The following MCTP2 variants were observed in gnomAD, a reference collection of about 807,000 sequenced individuals.
MCTP2 encodes the protein multiple C2 and transmembrane domain-containing protein 2.
Under a neutral mutation model 111.6 loss-of-function variants are expected in MCTP2, and 132 were observed. The ratio of observed to expected loss-of-function variants is 1.18; its 90% CI spans 1.03 to 1.37. The LOEUF is 1.37. MCTP2 is among the 40% of genes most tolerant of loss of function. The pLI, the probability that MCTP2 is intolerant of heterozygous loss-of-function variation, is 0.00. For synonymous variants in MCTP2, 395 were observed against 387.7 expected (o/e 1.02, Z -0.22); for missense variants, 1,183 against 1,067.9 (o/e 1.11, Z -1.50).
In MCTP2 at chr15:94,476,299, G is replaced by A. The variant is rs72751356; in HGVS notation, c.2471-397G>A. On this transcript the variant is annotated intron_variant, in intron 21 of 22. Coordinates refer to ENST00000357742, the MANE Select transcript of MCTP2 (RefSeq NM_001385001.1). ...GGACATTTGTTTTCATAGCAGAGGC[G>A]GCTGTTAATCAGCGTATTCCAAAAA... is the stretch of plus-strand genomic sequence containing the variant. 6.7e-4 allele frequency: 105 copies of A among 157,048 alleles called. 1 individual carries two copies. Among genetic ancestry groups the A allele is most frequent in the Non-Finnish European group, 1.3e-3 (92 of 71,302 alleles). 9.7% of individuals were successfully genotyped at this position (157,048 alleles called of 1,614,324 possible).
intron 7 of MCTP2, 143 bp from the exon 8 acceptor site, chr15:94,344,985 CT>C (rs1479170552): frequency 1.0e-5 from 9 of 892,208 alleles, no homozygotes; most frequent in African/African-American, 3.5e-5. Flanking sequence ...CTCAAATATG[CT>C]TTCTCTATAA....
chr15:94,402,137 G>A lies in MCTP2; in HGVS notation c.2085+118G>A, dbSNP rs114795508. 672 of 1,381,380 alleles carry A rather than the reference G, an allele frequency of 4.9e-4. 4 individuals are homozygous for A. In the African/African-American group the frequency reaches 8.9e-3, roughly 18 times the overall value. The allele number at this position is 1,381,380 out of a possible 1,614,324, so 85.6% of individuals were successfully genotyped here. On this transcript the variant is annotated intron_variant, in intron 17 of 22. Coordinates refer to ENST00000357742, the MANE Select transcript of MCTP2 (RefSeq NM_001385001.1). ...GGTTGTCTTTCTAAGACAGTACTTA[G>A]GTCAAATTTACCTGGGAAACCCCTT...
At chr15:94,322,301 A>AT (rs200050113) in intron 4 of MCTP2, among the ~76,000 whole-genome samples, 70,784 of 148,306 alleles carry the variant, frequency 0.48, 18,493 homozygotes, top group East Asian at 0.62. Context: ...CTGTTTTTGA[A>AT]TTTTTTTTTT....
At chr15:94,271,776 A>C (rs16948855) in intron 1 of MCTP2, among the ~76,000 whole-genome samples, 12,534 of 152,260 alleles carry the variant, frequency 0.082, 1,232 homozygotes, top group African/African-American at 0.24. Context: ...GCTTAAAAAT[A>C]TGCACCATTT....
At chr15:94,457,795 CAG>C (rs1341548986) in intron 19 of MCTP2, among the ~76,000 whole-genome samples, 2 of 152,110 alleles carry the variant, frequency 1.3e-5, no homozygotes, top group African/African-American at 4.8e-5. Context: ...CCTGTGGAGA[CAG>C]AGGAAGTCAG....
At chr15:94,477,191 A>T (rs1191697537) in intron 22 of MCTP2, among the ~76,000 whole-genome samples, 1 of 152,100 alleles carries the variant, frequency 6.6e-6, no homozygotes, top group Non-Finnish European at 1.5e-5. Flanking sequence ...AGGGGACAAA[A>T]GGATTATTCT....
In MCTP2 at chr15:94,325,701, C is replaced by T. The variant is rs563874518; in HGVS notation, c.637+10064C>T. Among the ~76,000 whole-genome samples, 6 of 152,104 alleles carry T rather than the reference C, an allele frequency of 3.9e-5. No individual in the cohort carries two copies. In the East Asian group the frequency reaches 1.2e-3, roughly 29 times the overall value. On this transcript the variant is annotated intron_variant, in intron 4 of 22. Transcript: ENST00000357742. ...GTCGTGGATTGAGGTTTAATTTTCC[C>T]CATCATAAATTTGACCTAGAAAATG...
chr15:94,430,450 G>A (rs2152501005), intron 17 of MCTP2, among the ~76,000 whole-genome samples: 1 of 145,892 alleles, frequency 6.9e-6, no homozygotes, highest in African/African-American at 2.6e-5. Context: ...CACACTGGAA[G>A]GCTGGGCATG....
chr15:94,290,511 ACAAG>A (rs1341277185), intron 1 of MCTP2, among the ~76,000 whole-genome samples: 2 of 152,214 alleles, frequency 1.3e-5, no homozygotes, highest in Non-Finnish European at 2.9e-5. Flanking sequence ...GAAAAACAGA[ACAAG>A]AAGGAAATGA....
At chr15:94,349,136 T>C (rs1469976846) in intron 8 of MCTP2, among the ~76,000 whole-genome samples, 2 of 152,220 alleles carry the variant, frequency 1.3e-5, no homozygotes, top group Non-Finnish European at 2.9e-5. Flanking sequence ...ATGCTTCTGA[T>C]GCCTTATTAT....
chr15:94,312,607 C>T (rs2076196510), intron 2 of MCTP2, among the ~76,000 whole-genome samples: 1 of 152,228 alleles, frequency 6.6e-6, no homozygotes. Flanking sequence ...CTGAACTGAA[C>T]ACAGTGTATT....
chr15:94,387,428 A>G (rs1396114519), intron 14 of MCTP2, among the ~76,000 whole-genome samples: 2 of 152,112 alleles, frequency 1.3e-5, no homozygotes, highest in Non-Finnish European at 2.9e-5. Context: ...CCAGTCAAGA[A>G]CCGCTGACCT....
At chr15:94,299,146 G>T (rs991968595) in intron 2 of MCTP2, among the ~76,000 whole-genome samples, 1 of 148,050 alleles carries the variant, frequency 6.8e-6, no homozygotes, top group African/African-American at 2.5e-5. Flanking sequence ...ATGCAGTATT[G>T]ATTGCACCCA....
chr15:94,322,593 A>G (rs1372017469), intron 4 of MCTP2, among the ~76,000 whole-genome samples: 2 of 152,318 alleles, frequency 1.3e-5, no homozygotes, highest in Non-Finnish European at 2.9e-5. Flanking sequence ...AAGTTTGTTG[A>G]CCTCTGCCTA....
rs902355921 is a variant in MCTP2, at chr15:94,273,566, A to C, written c.-65-24635A>C. ...AAACGTCACTTCAATGCCCCCTCGC[A>C]GGTATGCAGGAAGGTCATGTCGTCC... On this transcript the variant is annotated intron_variant, in intron 1 of 22. Transcript: ENST00000357742. 6 of 200,866 alleles carry C rather than the reference A, an allele frequency of 3.0e-5. No individual in the cohort carries two copies. In the East Asian group the frequency reaches 7.1e-4, roughly 24 times the overall value. 12.4% of individuals were successfully genotyped at this position (200,866 alleles called of 1,614,324 possible). A position where few individuals can be genotyped will look rare whatever the true frequency, so the allele number is the denominator to read the frequency against.
chr15:94,378,560 C>A (rs1001336234), intron 12 of MCTP2, among the ~76,000 whole-genome samples: 1 of 152,150 alleles, frequency 6.6e-6, no homozygotes. Context: ...AGGAAACTTT[C>A]TTATGTCACT....
At chr15:94,248,052 A>G (rs1248972297) in intron 1 of MCTP2, among the ~76,000 whole-genome samples, 1 of 152,188 alleles carries the variant, frequency 6.6e-6, no homozygotes, top group Non-Finnish European at 1.5e-5. Context: ...CCTTAGGGCC[A>G]TCAAGAATGT....
Position 94,470,364 on chromosome 15 carries a change from T to C in MCTP2, c.2392T>C (p.Ser798Pro), listed in dbSNP as rs905009940. ...TAACTGGACGGTCCCCTTCCTTTCA[T>C]CTCTGGCCTGTTTGATTCTGGCAGC... is the stretch of plus-strand genomic sequence containing the variant. ...TFNWTVPFLS[S>P]LACLILAAAT... Residue 798 changes from serine to proline, a missense_variant, in exon 21 of 23, where the codon TCT becomes CCT. Physicochemically the swap from Ser to Pro is moderately conservative, Grantham distance 74 (BLOSUM62 -1). Transcript: ENST00000357742. 1.9e-6 allele frequency: 3 copies of C among 1,613,852 alleles called. No homozygotes were observed. Among genetic ancestry groups the C allele is most frequent in the Non-Finnish European group, 2.5e-6 (3 of 1,179,724 alleles).
At chr15:94,478,874 T>C (rs1398072787) in intron 22 of MCTP2, 92 bp from the exon 23 acceptor site, 7 of 1,035,102 alleles carry the variant, frequency 6.8e-6, no homozygotes, top group Non-Finnish European at 9.0e-6. Flanking sequence ...CTTCCTTCCT[T>C]TGCCTTCGGT....
Sources: gnomAD v4.1 joint callset for allele counts (sites outside exome capture counted in the v4.1 genomes callset) on GRCh38, gnomAD v4.1.1 for gene constraint, MANE v1.5 for transcripts, NCBI Gene and HGNC (gene_info 2026-07-23, HGNC 2026-07-21) for gene names.